The following VKORC1L1 variants were observed in gnomAD, a reference collection of about 807,000 sequenced individuals.
The protein encoded by VKORC1L1 is vitamin K epoxide reductase complex subunit 1-like protein 1.
In VKORC1L1, 2 loss-of-function variants were observed where a neutral mutation model predicts 18.9. The ratio of observed to expected loss-of-function variants is 0.11; its 90% CI spans 0.04 to 0.33. The LOEUF is 0.33. VKORC1L1 is among the 10% of genes least tolerant of loss of function. The pLI, the probability that VKORC1L1 is intolerant of heterozygous loss-of-function variation, is 1.00. For missense variants in VKORC1L1, 123 were observed against 224.1 expected, an observed-to-expected ratio of 0.55 and a Z score of 2.88; for synonymous variants, 96 against 100.0, an observed-to-expected ratio of 0.96 and a Z score of 0.24.
intron 1 of VKORC1L1, among the ~76,000 whole-genome samples, chr7:65,892,391 C>T (rs1235516001): frequency 6.6e-6 from 1 of 152,106 alleles, no homozygotes; most frequent in Non-Finnish European, 1.5e-5. Flanking sequence ...TTTACATTAC[C>T]AACAACAGTG....
intron 1 of VKORC1L1, among the ~76,000 whole-genome samples, chr7:65,883,136 CTTTTTTTTTTTT>C (rs34906605): frequency 9.1e-6 from 1 of 109,622 alleles, no homozygotes; most frequent in Non-Finnish European, 1.8e-5. Flanking sequence ...TACATTTGAG[CTTTTTTTTTTTT>C]TTTTTTTTTT....
At chr7:65,868,180 G>A (rs1788685618), upstream of VKORC1L1, among the ~76,000 whole-genome samples, 1 of 152,140 alleles carries the variant, frequency 6.6e-6, no homozygotes. Context: ...AAACAGTCAG[G>A]TGAGATGGCT....
chr7:65,914,078 A>G (rs974169891), intron 1 of VKORC1L1, among the ~76,000 whole-genome samples: 7 of 152,144 alleles, frequency 4.6e-5, no homozygotes, highest in Admixed American at 6.6e-5. Flanking sequence ...GGTACAGTGT[A>G]TTAATATAGA....
chr7:65,939,031 T>G (rs973484778), intron 1 of VKORC1L1, among the ~76,000 whole-genome samples: 1 of 152,160 alleles, frequency 6.6e-6, no homozygotes, highest in Non-Finnish European at 1.5e-5. Flanking sequence ...TGGGTGCCCA[T>G]GTGACTGTGG....
At chr7:65,914,241 G>A (rs1206719962) in intron 1 of VKORC1L1, among the ~76,000 whole-genome samples, 1 of 152,072 alleles carries the variant, frequency 6.6e-6, no homozygotes, top group Admixed American at 6.6e-5. Context: ...CTACAGGTGT[G>A]CACCATCATA....
intron 1 of VKORC1L1, among the ~76,000 whole-genome samples, chr7:65,947,257 C>T (rs991229777): frequency 6.6e-6 from 1 of 152,144 alleles, no homozygotes; most frequent in Non-Finnish European, 1.5e-5. Context: ...CATCGTTATA[C>T]AGGGGTTTCA....
intron 2 of VKORC1L1, 109 bp from the exon 3 acceptor site, chr7:65,953,965 A>G (rs1314428532): frequency 4.4e-6 from 4 of 910,312 alleles, no homozygotes; most frequent in African/African-American, 1.7e-5. Context: ...GTTGGCAGGA[A>G]GATCAGTATT....
At chr7:65,880,241 G>T (rs1562980669) in intron 1 of VKORC1L1, among the ~76,000 whole-genome samples, 1 of 152,090 alleles carries the variant, frequency 6.6e-6, no homozygotes, top group Admixed American at 6.6e-5. Context: ...GCAAACAATG[G>T]TGCCAGTTTC....
chr7:65,895,957 G>A (rs1163917318), intron 1 of VKORC1L1, among the ~76,000 whole-genome samples: 1 of 144,232 alleles, frequency 6.9e-6, no homozygotes, highest in Non-Finnish European at 1.5e-5. Flanking sequence ...GTGCAGTGGC[G>A]TGATCTCGGC....
chr7:65,898,466 C>T (rs1433444800), intron 1 of VKORC1L1, among the ~76,000 whole-genome samples: 1 of 151,994 alleles, frequency 6.6e-6, no homozygotes, highest in African/African-American at 2.4e-5. Context: ...ATGAAAAGAC[C>T]AAAGTGCATG....
chr7:65,865,895 G>A, the VKORC1L1 span, among the ~76,000 whole-genome samples: 1 of 151,916 alleles, frequency 6.6e-6, no homozygotes, highest in Non-Finnish European at 1.5e-5. Flanking sequence ...GCTGAGGTGG[G>A]AGGATCACGA....
At chr7:65,950,665 G>T (rs1310481155) in intron 2 of VKORC1L1, among the ~76,000 whole-genome samples, 1 of 152,034 alleles carries the variant, frequency 6.6e-6, no homozygotes, top group East Asian at 1.9e-4. Context: ...AATAGATAAT[G>T]GTTGAATAAA....
chr7:65,878,945 C>G, intron 1 of VKORC1L1, among the ~76,000 whole-genome samples: 1 of 152,092 alleles, frequency 6.6e-6, no homozygotes, highest in Admixed American at 6.6e-5. Flanking sequence ...CTAGGTAAGG[C>G]ATTCGCTGCT....
chr7:65,908,181 G>C (rs1478506998), intron 1 of VKORC1L1, among the ~76,000 whole-genome samples: 2 of 152,202 alleles, frequency 1.3e-5, no homozygotes, highest in African/African-American at 4.8e-5. Flanking sequence ...GGAAGGCCGA[G>C]GCGGGCAGAT....
chr7:65,877,682 A>G (rs1788852517), intron 1 of VKORC1L1, among the ~76,000 whole-genome samples: 1 of 152,192 alleles, frequency 6.6e-6, no homozygotes, highest in African/African-American at 2.4e-5. Context: ...GGTATTTTCT[A>G]TATATAAGAC....
At chr7:65,909,735 T>TGA (rs1386990671) in intron 1 of VKORC1L1, among the ~76,000 whole-genome samples, 1 of 150,510 alleles carries the variant, frequency 6.6e-6, no homozygotes, top group Non-Finnish European at 1.5e-5. Context: ...TGTGTGTGTG[T>TGA]GTGACGGAGG....
At chr7:65,899,360 C>A (rs910815367) in intron 1 of VKORC1L1, among the ~76,000 whole-genome samples, 5 of 152,230 alleles carry the variant, frequency 3.3e-5, no homozygotes, top group African/African-American at 9.6e-5. Flanking sequence ...GCATGGCTTC[C>A]TCTTTGCAGA....
At chr7:65,907,682 A>G (rs1279490737) in intron 1 of VKORC1L1, among the ~76,000 whole-genome samples, 1 of 152,130 alleles carries the variant, frequency 6.6e-6, no homozygotes, top group Non-Finnish European at 1.5e-5. Flanking sequence ...CAGAGAGAAA[A>G]GGTTTTAATA....
chr7:65,944,206 AAAAT>A (rs1186681566), intron 1 of VKORC1L1, among the ~76,000 whole-genome samples: 2 of 151,922 alleles, frequency 1.3e-5, no homozygotes, highest in African/African-American at 4.8e-5. Context: ...GGCTCTACCA[AAAAT>A]AAAAAAAATT....
Sources: allele counts gnomAD v4.1 joint callset (sites outside exome capture counted in the v4.1 genomes callset), GRCh38; gene constraint gnomAD v4.1.1; transcripts MANE v1.5; gene names NCBI Gene and HGNC (gene_info 2026-07-23, HGNC 2026-07-21).